The following COL24A1 variants were observed in gnomAD, a reference collection of about 807,000 sequenced individuals.
The protein encoded by COL24A1 is collagen alpha-1(XXIV) chain.
Under a neutral mutation model 253.9 loss-of-function variants are expected in COL24A1, and 224 were observed. The ratio of observed to expected loss-of-function variants is 0.88; its 90% CI spans 0.79 to 0.99. COL24A1 has a LOEUF of 0.99. Ranked by LOEUF, COL24A1 falls within the 50% of genes least tolerant of loss-of-function variation. The probability of loss-of-function intolerance (pLI) is 0.00; values close to 1 mark genes in which losing one functional copy is unlikely to be tolerated. For synonymous variants in COL24A1, 685 were observed against 673.7 expected (o/e 1.02, Z -0.26); for missense variants, 2,131 against 2,068.5 (o/e 1.03, Z -0.59).
At chr1:85,838,562 T>G (rs377463158) in intron 43 of COL24A1, 23 bp downstream of exon 43, 2 of 1,603,604 alleles carry the variant, frequency 1.2e-6, no homozygotes, top group Non-Finnish European at 1.7e-6. Context: ...AATTCATTAG[T>G]AAGGGGTATA....
At chr1:85,762,559 T>TTAA (rs1666947180) in intron 53 of COL24A1, among the ~76,000 whole-genome samples, 1 of 152,218 alleles carries the variant, frequency 6.6e-6, no homozygotes, top group Non-Finnish European at 1.5e-5. Flanking sequence ...TAATACTAGT[T>TTAA]AATACTAGTT....
In COL24A1 at chr1:85,858,665, T is replaced by TTCC. The variant is rs201691877; in HGVS notation, c.3301-9262_3301-9260dup. On this transcript the variant is annotated intron_variant, in intron 37 of 59. Coordinates refer to ENST00000370571, the MANE Select transcript of COL24A1 (RefSeq NM_152890.7). The stretch of plus-strand genomic sequence containing the variant: ...CTTCCTTCCTTCCTTCCTTCCTTCC[T>TTCC]TCCTTCCTTCCTTCCCTCCGTCCTT... 2.7e-5 allele frequency among the ~76,000 whole-genome samples: 4 copies of TTCC among 147,682 alleles called. No individual in the cohort carries two copies. In the East Asian group the frequency reaches 7.8e-4, roughly 29 times the overall value.
rs533842066 is a variant in COL24A1, at chr1:86,088,451, A to G, written c.1707+723T>C. ...TTTCCTCATTCCCTGTAGAAAATCA[A>G]TAACTTAGTGTTTGGGAAAAAACAA... On this transcript the variant is annotated intron_variant, in intron 7 of 59. Coordinates refer to ENST00000370571, the MANE Select transcript of COL24A1 (RefSeq NM_152890.7). Among the ~76,000 whole-genome samples the G allele has an allele frequency of 9.8e-4, 149 of 152,308 alleles. 2 individuals carry two copies. In the Middle Eastern group the frequency reaches 0.01, roughly 10 times the overall value.
chr1:86,108,750 T>C (rs775337402), intron 5 of COL24A1, among the ~76,000 whole-genome samples: 2 of 149,974 alleles, frequency 1.3e-5, no homozygotes, highest in Admixed American at 6.7e-5. Flanking sequence ...GAGGTTGCAG[T>C]GAGCCGAGAT....
intron 31 of COL24A1, among the ~76,000 whole-genome samples, chr1:85,890,976 A>G (rs952264296): frequency 2.0e-5 from 3 of 152,164 alleles, no homozygotes; most frequent in Non-Finnish European, 4.4e-5. Flanking sequence ...AGATTTATTG[A>G]GCATTTACTG....
chr1:85,814,964 T>A (rs545887673), intron 47 of COL24A1, among the ~76,000 whole-genome samples: 1 of 152,168 alleles, frequency 6.6e-6, no homozygotes, highest in Non-Finnish European at 1.5e-5. Flanking sequence ...TATTAATAAG[T>A]TAATTACTAC....
At chr1:85,874,888 T>C (rs1376698569) in intron 34 of COL24A1, among the ~76,000 whole-genome samples, 186 bp from the exon 35 acceptor site, 3 of 152,212 alleles carry the variant, frequency 2.0e-5, no homozygotes, top group African/African-American at 7.2e-5. Flanking sequence ...CTGTCTGAGC[T>C]CCACCTCCTG....
At chr1:85,962,900 G>T (rs1032112991) in intron 23 of COL24A1, among the ~76,000 whole-genome samples, 1 of 152,060 alleles carries the variant, frequency 6.6e-6, no homozygotes, top group African/African-American at 2.4e-5. Context: ...AAATAGGCTG[G>T]TCTGAATTGA....
chr1:86,076,864 A>G (rs1236989457), intron 7 of COL24A1, among the ~76,000 whole-genome samples: 2 of 152,258 alleles, frequency 1.3e-5, no homozygotes, highest in African/African-American at 4.8e-5. Flanking sequence ...ACAGACTTAA[A>G]TGTTAGACCT....
chr1:85,825,248 T>G (rs1038474822), intron 43 of COL24A1, among the ~76,000 whole-genome samples: 1 of 152,102 alleles, frequency 6.6e-6, no homozygotes, highest in Admixed American at 6.6e-5. Context: ...ACAAAGGACA[T>G]GAACTCATCA....
chr1:85,954,275 T>C (rs1326761523), intron 24 of COL24A1, among the ~76,000 whole-genome samples: 1 of 152,212 alleles, frequency 6.6e-6, no homozygotes, highest in African/African-American at 2.4e-5. Flanking sequence ...TGTCCGTGGT[T>C]TTTCAGAATA....
intron 32 of COL24A1, among the ~76,000 whole-genome samples, chr1:85,883,394 G>GT (rs1682102765): frequency 6.6e-6 from 1 of 150,960 alleles, no homozygotes. Context: ...TAATTTTTGC[G>GT]TTTTTTGGTA....
intron 20 of COL24A1, among the ~76,000 whole-genome samples, chr1:85,979,756 T>G (rs1240491661): frequency 6.7e-6 from 1 of 149,618 alleles, no homozygotes; most frequent in Non-Finnish European, 1.5e-5. Context: ...CTATCAGACA[T>G]TCAAAGAAGA....
intron 53 of COL24A1, among the ~76,000 whole-genome samples, chr1:85,772,815 A>G (rs1319659303): frequency 6.6e-6 from 1 of 152,194 alleles, no homozygotes; most frequent in Non-Finnish European, 1.5e-5. Context: ...ACCATTCTGT[A>G]GGTTGCCTAT....
At chr1:85,760,889 A>G (rs1197696076) in intron 55 of COL24A1, among the ~76,000 whole-genome samples, 2 of 152,282 alleles carry the variant, frequency 1.3e-5, no homozygotes, top group Middle Eastern at 3.4e-3. Context: ...CAACATAAAC[A>G]TTGCCTCAGA....
In COL24A1 at chr1:85,816,802, T is replaced by C; in HGVS notation, c.3937A>G (p.Lys1313Glu). Reference sequence around the variant, plus strand: ...GTACTACTCACAGGAAGTCCCTGTTTTCCTGGTGGCCCAATTTTTCCAGGG... The same window carrying C: ...GTACTACTCACAGGAAGTCCCTGTTCTCCTGGTGGCCCAATTTTTCCAGGG... ...GNPGKIGPPG[K>E]QGLPGIRGGP... is the part of the protein sequence containing the mutation. The change falls in exon 47 of 60, where the codon AAA becomes GAA. Residue 1313 changes from lysine to glutamate, a missense_variant. By Grantham distance (56) the Lys-to-Glu change is moderately conservative. Transcript: ENST00000370571. The C allele has an allele frequency of 6.2e-7, 1 of 1,613,808 alleles. No individual in the cohort carries two copies.
chr1:85,849,491 T>G, intron 37 of COL24A1, 85 bp from the exon 38 acceptor site: 1 of 990,244 alleles, frequency 1.0e-6, no homozygotes, highest in Non-Finnish European at 1.6e-6. Flanking sequence ...AGATAATCAC[T>G]GGATTGGATT....
intron 47 of COL24A1, among the ~76,000 whole-genome samples, chr1:85,791,125 C>T (rs1447080221): frequency 1.3e-5 from 2 of 152,104 alleles, no homozygotes; most frequent in African/African-American, 4.8e-5. Context: ...GACACTGGTA[C>T]AGCATCAACA....
intron 28 of COL24A1, among the ~76,000 whole-genome samples, chr1:85,902,803 C>T (rs1490935829): frequency 6.6e-6 from 1 of 152,106 alleles, no homozygotes; most frequent in Non-Finnish European, 1.5e-5. Context: ...TGGGTACAAA[C>T]ATGCAATGAA....
Sources: allele counts gnomAD v4.1 joint callset (sites outside exome capture counted in the v4.1 genomes callset), GRCh38; gene constraint gnomAD v4.1.1; transcripts MANE v1.5; gene names NCBI Gene and HGNC (gene_info 2026-07-23, HGNC 2026-07-21).